IFT43: variants seen among roughly 807,000 people sequenced by gnomAD.
The protein encoded by IFT43 is intraflagellar transport protein 43 homolog.
IFT43 carries 33 observed loss-of-function variants against 32.3 expected under a neutral mutation model. That is an observed-to-expected ratio of 1.02 (90% confidence interval 0.77 to 1.37). IFT43 has a LOEUF of 1.37. Ranked by LOEUF, IFT43 falls within the 40% of genes most tolerant of loss-of-function variation. IFT43 has a pLI of 0.00. For synonymous variants in IFT43, 93 were observed against 98.2 expected (o/e 0.95, Z 0.31); for missense variants, 274 against 265.9 (o/e 1.03, Z -0.21).
At chr14:76,007,033 A>AT (rs2035992956) in intron 2 of IFT43, among the ~76,000 whole-genome samples, 2 of 151,654 alleles carry the variant, frequency 1.3e-5, no homozygotes, top group African/African-American at 2.4e-5. Context: ...AATTTTTTCT[A>AT]TTTTTTGTAG....
intron 3 of IFT43, among the ~76,000 whole-genome samples, chr14:76,029,075 A>AT (rs1250232230): frequency 6.6e-6 from 1 of 152,230 alleles, no homozygotes. Flanking sequence ...ACTAATTTAC[A>AT]TTCCCACCAA....
At chr14:75,998,420 AG>A (rs887619695) in intron 2 of IFT43, among the ~76,000 whole-genome samples, 2 of 152,146 alleles carry the variant, frequency 1.3e-5, no homozygotes, top group African/African-American at 2.4e-5. Context: ...ACTCTAAGAG[AG>A]GGTTTTAGAG....
intron 3 of IFT43, among the ~76,000 whole-genome samples, chr14:76,056,924 A>C (rs2037029219): frequency 6.6e-6 from 1 of 152,148 alleles, no homozygotes; most frequent in Non-Finnish European, 1.5e-5. Context: ...CAGGCTGGGG[A>C]TGCCCTGGGC....
At chr14:76,067,589 AAAAG>A (rs1398169671) in intron 5 of IFT43, among the ~76,000 whole-genome samples, 1 of 152,000 alleles carries the variant, frequency 6.6e-6, no homozygotes, top group Admixed American at 6.6e-5. Context: ...CAAAAAAAAA[AAAAG>A]AGAGAAGGCG....
chr14:76,050,993 G>T (rs993107121), intron 3 of IFT43, among the ~76,000 whole-genome samples: 1 of 151,632 alleles, frequency 6.6e-6, no homozygotes, highest in Non-Finnish European at 1.5e-5. Flanking sequence ...GAGCAGCAGG[G>T]GGCAACATTC....
intron 2 of IFT43, among the ~76,000 whole-genome samples, chr14:75,995,046 C>G (rs978491781): frequency 2.0e-5 from 3 of 152,188 alleles, no homozygotes; most frequent in African/African-American, 4.8e-5. Flanking sequence ...ATCATCATAG[C>G]TTACATTGCA....
At chr14:76,069,198 A>G (rs1245202518) in intron 5 of IFT43, among the ~76,000 whole-genome samples, 1 of 151,766 alleles carries the variant, frequency 6.6e-6, no homozygotes, top group Non-Finnish European at 1.5e-5. Context: ...AAGCAGGAGC[A>G]AGAGAGAGAG....
chr14:75,988,461 G>A (rs1271411483), intron 1 of IFT43, among the ~76,000 whole-genome samples: 5 of 152,098 alleles, frequency 3.3e-5, no homozygotes, highest in Admixed American at 6.5e-5. Context: ...CTCAAATCCC[G>A]TTCTCCACCA....
chr14:76,041,776 A>G (rs1443077714), intron 3 of IFT43, among the ~76,000 whole-genome samples: 1 of 152,122 alleles, frequency 6.6e-6, no homozygotes, highest in African/African-American at 2.4e-5. Context: ...AACAGATCAC[A>G]TTAAGTGCCT....
chr14:76,028,036 C>T (rs2036437031), intron 3 of IFT43, among the ~76,000 whole-genome samples: 2 of 151,954 alleles, frequency 1.3e-5, no homozygotes, highest in Non-Finnish European at 1.5e-5. Flanking sequence ...CTAACTGATT[C>T]TTCATGATAA....
At chr14:75,986,628 G>T (rs911030260) in intron 1 of IFT43, among the ~76,000 whole-genome samples, 1 of 152,168 alleles carries the variant, frequency 6.6e-6, no homozygotes, top group African/African-American at 2.4e-5. Context: ...TGCCTATGAG[G>T]CTGTGGTTTA....
chr14:76,000,749 G>A (rs2035869120), intron 2 of IFT43, among the ~76,000 whole-genome samples: 1 of 152,186 alleles, frequency 6.6e-6, no homozygotes, highest in South Asian at 2.1e-4. Flanking sequence ...GTAACAGATT[G>A]GCTGTTGGAA....
intron 2 of IFT43, among the ~76,000 whole-genome samples, chr14:76,003,443 T>C (rs1566702192): frequency 6.6e-6 from 1 of 151,904 alleles, no homozygotes. Context: ...CTGGCCAACA[T>C]AGTGAAACCC....
chr14:76,045,782 G>A lies in IFT43; in HGVS notation c.216-12860G>A, dbSNP rs142465697. 1.1e-3 allele frequency among the ~76,000 whole-genome samples: 166 copies of A among 152,334 alleles called. 4 individuals carry two copies. The East Asian group carries it at 0.03, about 27-fold the overall frequency. On this transcript the variant is annotated intron_variant, in intron 3 of 8. Transcript: ENST00000314067. The stretch of plus-strand genomic sequence containing the variant: ...TAGCAAGAATTTGTTTTTTGGAGGT[G>A]AGGGAGAAGAATGTGCTGCATCTTT...
At chr14:76,013,593 C>A in intron 2 of IFT43, 1 of 179,550 alleles carries the variant, frequency 5.6e-6, no homozygotes, top group East Asian at 1.6e-4. Context: ...GCCAAGTATT[C>A]AGGGACTGGA....
At chr14:76,021,935 C>T (rs1185633875) in intron 2 of IFT43, among the ~76,000 whole-genome samples, 3 of 152,142 alleles carry the variant, frequency 2.0e-5, no homozygotes, top group African/African-American at 4.8e-5. Context: ...GGTGACCTTA[C>T]CCTCAGCCAT....
chr14:76,083,897 C>A, downstream of IFT43: 1 of 508,482 alleles, frequency 2.0e-6, no homozygotes, highest in Non-Finnish European at 3.8e-6. Context: ...GGCACTCCTA[C>A]TGAAAGCTGT....
intron 3 of IFT43, among the ~76,000 whole-genome samples, chr14:76,030,372 A>T (rs1212622362): frequency 6.6e-6 from 1 of 152,152 alleles, no homozygotes; most frequent in African/African-American, 2.4e-5. Context: ...GCAGCAAGAT[A>T]TTCCAGAATA....
chr14:76,003,006 G>A (rs1482517532), intron 2 of IFT43, among the ~76,000 whole-genome samples: 1 of 152,192 alleles, frequency 6.6e-6, no homozygotes, highest in Non-Finnish European at 1.5e-5. Flanking sequence ...TCATTAGCTA[G>A]GCTAGATTTC....
Sources: allele counts gnomAD v4.1 joint callset (sites outside exome capture counted in the v4.1 genomes callset), GRCh38; gene constraint gnomAD v4.1.1; transcripts MANE v1.5; gene names NCBI Gene and HGNC (gene_info 2026-07-23, HGNC 2026-07-21).